SLC9A9: variants seen among roughly 807,000 people sequenced by gnomAD.
SLC9A9 encodes the protein sodium/hydrogen exchanger 9.
A neutral mutation model predicts 77.8 loss-of-function variants in SLC9A9; 62 were observed. The observed-to-expected ratio is 0.80, with a 90% CI of 0.65 to 0.98. The LOEUF (loss-of-function observed/expected upper bound fraction) is 0.98. SLC9A9 is among the 50% of genes least tolerant of loss of function. The pLI, the probability that SLC9A9 is intolerant of heterozygous loss-of-function variation, is 0.00. For missense variants in SLC9A9, 775 were observed against 774.9 expected, an observed-to-expected ratio of 1.00 and a Z score of 0.00; for synonymous variants, 320 against 283.5, an observed-to-expected ratio of 1.13 and a Z score of -1.29.
chr3:143,487,454 G>T (rs1160505942), intron 11 of SLC9A9, among the ~76,000 whole-genome samples: 1 of 151,596 alleles, frequency 6.6e-6, no homozygotes, highest in Non-Finnish European at 1.5e-5. Context: ...TCTACCCAAC[G>T]ACAACAACAT....
intron 9 of SLC9A9, among the ~76,000 whole-genome samples, chr3:143,540,032 T>C (rs1321082571): frequency 6.6e-6 from 1 of 152,050 alleles, no homozygotes; most frequent in Non-Finnish European, 1.5e-5. Context: ...AAGTATACTT[T>C]CTTAGGGCTT....
At chr3:143,532,558 A>C (rs1051949932) in intron 9 of SLC9A9, among the ~76,000 whole-genome samples, 1 of 152,210 alleles carries the variant, frequency 6.6e-6, no homozygotes, top group African/African-American at 2.4e-5. Flanking sequence ...TTTACTTTAC[A>C]AGCTTTTGTA....
chr3:143,344,846 T>C (rs1473112318), intron 14 of SLC9A9, among the ~76,000 whole-genome samples: 2 of 126,116 alleles, frequency 1.6e-5, no homozygotes, highest in Non-Finnish European at 3.3e-5. Flanking sequence ...CTTTCTTGTT[T>C]TGGTGTGTTG....
intron 4 of SLC9A9, among the ~76,000 whole-genome samples, chr3:143,776,055 T>A (rs2007678826): frequency 6.6e-6 from 1 of 152,344 alleles, no homozygotes; most frequent in South Asian, 2.1e-4. Flanking sequence ...GAAATGTACG[T>A]GTTCTTATCT....
intron 9 of SLC9A9, among the ~76,000 whole-genome samples, chr3:143,546,633 A>G (rs996607220): frequency 2.0e-5 from 3 of 152,220 alleles, no homozygotes; most frequent in African/African-American, 7.2e-5. Context: ...GTGCTATCCC[A>G]TCTACTAACC....
chr3:143,329,340 A>G (rs1401344806), intron 14 of SLC9A9, among the ~76,000 whole-genome samples: 1 of 152,228 alleles, frequency 6.6e-6, no homozygotes, highest in Non-Finnish European at 1.5e-5. Flanking sequence ...GGCTGACCAG[A>G]GTACTTAGTA....
chr3:143,838,893 T>A (rs1194818499), intron 1 of SLC9A9, among the ~76,000 whole-genome samples: 1 of 152,248 alleles, frequency 6.6e-6, no homozygotes, highest in Non-Finnish European at 1.5e-5. Context: ...AGATTTTAAC[T>A]GCATCTACAA....
chr3:143,639,686 A>G (rs1443147644), intron 6 of SLC9A9, among the ~76,000 whole-genome samples: 2 of 152,228 alleles, frequency 1.3e-5, no homozygotes, highest in African/African-American at 2.4e-5. Flanking sequence ...CAAGCACTTC[A>G]AAATTTCAAA....
chr3:143,450,114 AT>A (rs1457613412), intron 12 of SLC9A9, among the ~76,000 whole-genome samples: 1 of 122,676 alleles, frequency 8.2e-6, no homozygotes, highest in East Asian at 2.3e-4. Context: ...TACATATTAT[AT>A]TATATATTAT....
At chr3:143,835,943 T>C (rs186522920) in intron 1 of SLC9A9, among the ~76,000 whole-genome samples, 27 of 152,320 alleles carry the variant, frequency 1.8e-4, no homozygotes, top group African/African-American at 6.5e-4. Flanking sequence ...TCTCCTTCTC[T>C]AGGAAGGAAC....
chr3:143,341,544 ACGG>A (rs201766594), intron 14 of SLC9A9, among the ~76,000 whole-genome samples: 2,751 of 152,242 alleles, frequency 0.018, 84 homozygotes, highest in African/African-American at 0.064. Context: ...GTTGCTTGCC[ACGG>A]TAGGAAAAGC....
chr3:143,839,649 A>G (rs2009659210), intron 1 of SLC9A9, among the ~76,000 whole-genome samples: 1 of 152,132 alleles, frequency 6.6e-6, no homozygotes, highest in Admixed American at 6.5e-5. Flanking sequence ...CAATGTACAC[A>G]CTTCACAAAA....
At chr3:143,315,635 T>C (rs981131535) in intron 14 of SLC9A9, among the ~76,000 whole-genome samples, 2 of 152,188 alleles carry the variant, frequency 1.3e-5, no homozygotes, top group Non-Finnish European at 2.9e-5. Flanking sequence ...TCAGGAACCA[T>C]AGATAATCAA....
At chr3:143,417,798 G>A (rs115362321) in intron 12 of SLC9A9, among the ~76,000 whole-genome samples, 1 of 152,128 alleles carries the variant, frequency 6.6e-6, no homozygotes, top group Non-Finnish European at 1.5e-5. Context: ...CTGGAAGTCC[G>A]AGAAGACTAA....
At chr3:143,610,046 G>A (rs575142548) in intron 6 of SLC9A9, among the ~76,000 whole-genome samples, 30 of 152,084 alleles carry the variant, frequency 2.0e-4, no homozygotes, top group Admixed American at 6.5e-4. Flanking sequence ...CCCTTCCTTC[G>A]CAAGCACCAA....
At chr3:143,555,676 C>G (rs2036967186) in intron 8 of SLC9A9, among the ~76,000 whole-genome samples, 2 of 152,204 alleles carry the variant, frequency 1.3e-5, no homozygotes, top group South Asian at 4.1e-4. Context: ...ATCCCAGGAA[C>G]TAGCCAGAGA....
At chr3:143,404,606 CCT>C (rs1201095301) in intron 12 of SLC9A9, among the ~76,000 whole-genome samples, 3 of 152,078 alleles carry the variant, frequency 2.0e-5, no homozygotes, top group South Asian at 4.2e-4. Context: ...CTTTTTTCCC[CCT>C]CTTTATTCCT....
At chr3:143,594,157 A>G (rs2037711160) in intron 6 of SLC9A9, among the ~76,000 whole-genome samples, 1 of 152,224 alleles carries the variant, frequency 6.6e-6, no homozygotes, top group Non-Finnish European at 1.5e-5. Context: ...GGCTTTGCAA[A>G]CCATAATACA....
intron 12 of SLC9A9, among the ~76,000 whole-genome samples, chr3:143,391,800 G>A (rs1038162600): frequency 2.0e-5 from 3 of 152,200 alleles, no homozygotes; most frequent in East Asian, 1.9e-4. Flanking sequence ...ACTATGGGAC[G>A]AATGCACAAG....
Sources: allele counts gnomAD v4.1 joint callset (sites outside exome capture counted in the v4.1 genomes callset), GRCh38; gene constraint gnomAD v4.1.1; transcripts MANE v1.5; gene names NCBI Gene and HGNC (gene_info 2026-07-23, HGNC 2026-07-21).